The following SLC22A2 variants were observed in gnomAD, a reference collection of about 807,000 sequenced individuals.
SLC22A2 encodes the protein organic cation transporter 2.
Under a neutral mutation model 60.5 loss-of-function variants are expected in SLC22A2, and 46 were observed. The observed-to-expected ratio is 0.76, with a 90% CI of 0.60 to 0.97. The LOEUF (loss-of-function observed/expected upper bound fraction) is 0.97, where lower values mean the gene tolerates loss of function less well. Ranked by LOEUF, SLC22A2 falls within the 50% of genes least tolerant of loss-of-function variation. The pLI, the probability that SLC22A2 is intolerant of heterozygous loss-of-function variation, is 0.00. For missense variants in SLC22A2, 701 were observed against 706.6 expected (o/e 0.99, Z 0.09); for synonymous variants, 303 against 267.0 (o/e 1.13, Z -1.31).
rs316019 is a variant in SLC22A2 at position 160,249,250 on chromosome 6, A to C, written c.808T>G (p.Ser270Ala). 0.9 allele frequency: 1,438,061 copies of C among 1,605,228 alleles called. 644,774 individuals carry two copies. Among genetic ancestry groups the C allele is most frequent in the Admixed American group, 0.94 (54,580 of 58,262 alleles). The change falls in exon 4 of 11, where the codon TCT becomes GCT. Residue 270 changes from serine (S) to alanine (A), a missense_variant. Physicochemically the swap from Ser to Ala is moderately conservative, Grantham distance 99. Coordinates refer to ENST00000366953, the MANE Select transcript of SLC22A2 (RefSeq NM_003058.4). Reference protein sequence around the residue: ...PHWRWLQFTVSLPNFFFLLYY... With the variant: ...PHWRWLQFTVALPNFFFLLYY... Reference sequence around the variant, plus strand: ...AGCAAGAAGAAGAAGTTGGGCAGAGAAACTGTGAACTGCAACCACCTCCAG... The same window carrying C: ...AGCAAGAAGAAGAAGTTGGGCAGAGCAACTGTGAACTGCAACCACCTCCAG...
chr6:160,221,023 G>A (rs891380913), intron 10 of SLC22A2, among the ~76,000 whole-genome samples: 4 of 152,084 alleles, frequency 2.6e-5, no homozygotes, highest in East Asian at 1.9e-4. Context: ...CCTGTCCTTC[G>A]AGCTTTGAAA....
rs773545639 is a variant in SLC22A2 at position 160,245,538 on chromosome 6, C to G, written c.965G>C (p.Arg322Thr). 6.2e-7 allele frequency: 1 copy of G among 1,607,648 alleles called. No individual in the cohort carries two copies. Among genetic ancestry groups the G allele is most frequent in the East Asian group, 2.2e-5 (1 of 44,822 alleles). Residue 322 changes from arginine (R) to threonine (T), a missense_variant, in exon 6 of 11, where the codon AGA becomes ACA. Arg to Thr is a moderately conservative substitution (Grantham distance 71). Transcript: ENST00000366953. ...KSLPASLQRLRLEEETGKKLN... is the reference protein window; with the variant it reads ...KSLPASLQRLTLEEETGKKLN... ...TTTCTTGCCAGTTTCCTCTTCAAGT[C>G]TCAGGCGCTAAGAAAAGGAATAGAA...
intron 6 of SLC22A2, 112 bp downstream of exon 6, chr6:160,245,327 C>T (rs1783072874): frequency 7.0e-6 from 4 of 574,544 alleles, no homozygotes; most frequent in East Asian, 6.1e-5. Flanking sequence ...CACATTGCTG[C>T]CCACCGTCAG....
rs181419614 is a variant in SLC22A2, at chr6:160,258,304, C to T, written c.414+40G>A. 5.2e-6 allele frequency: 8 copies of T among 1,546,130 alleles called. No homozygotes were observed. The East Asian group carries it at 1.8e-4, about 35-fold the overall frequency. On this transcript the variant is annotated intron_variant, in intron 1 of 10. Transcript: ENST00000366953. ...CTTGCTTCCTTGAGAAAATCTCCAC[C>T]ATTTGCTTCTCCATCTGAGCCCTGA...
Position 160,236,557 on chromosome 6 carries a change from A to T in SLC22A2, c.1501+4917T>A, listed in dbSNP as rs145354427. Among the ~76,000 whole-genome samples the T allele has an allele frequency of 5.1e-3, 770 of 152,344 alleles. 6 individuals carry two copies. Among genetic ancestry groups the T allele is most frequent in the African/African-American group, 0.018 (750 of 41,590 alleles). On this transcript the variant is annotated intron_variant, in intron 9 of 10. Transcript: ENST00000366953. Reference sequence around the variant, plus strand: ...AGTTATTTGCATAAGTGCAATAAGAATCTGTTTTCTTTTGCAACAGGACAC... The same window carrying T: ...AGTTATTTGCATAAGTGCAATAAGATTCTGTTTTCTTTTGCAACAGGACAC...
intron 2 of SLC22A2, among the ~76,000 whole-genome samples, chr6:160,252,982 G>T (rs900971114): frequency 6.6e-6 from 1 of 152,202 alleles, no homozygotes; most frequent in Admixed American, 6.5e-5. Flanking sequence ...ATATAGTTGG[G>T]TAAGTATGAC....
At chr6:160,254,974 G>C (rs1420570833) in intron 2 of SLC22A2, among the ~76,000 whole-genome samples, 1 of 152,200 alleles carries the variant, frequency 6.6e-6, no homozygotes, top group Non-Finnish European at 1.5e-5. Flanking sequence ...CTGTCAGGGA[G>C]TGAGTGTTAG....
At chr6:160,226,012 A>G (rs772946912) in intron 9 of SLC22A2, among the ~76,000 whole-genome samples, 1 of 152,210 alleles carries the variant, frequency 6.6e-6, no homozygotes, top group African/African-American at 2.4e-5. Flanking sequence ...AACATTAGCC[A>G]CAACATAAGA....
rs544849256 is a variant in SLC22A2 at position 160,256,955 on chromosome 6, T to G, written c.415-238A>C. Among the ~76,000 whole-genome samples the G allele has an allele frequency of 1.3e-4, 20 of 149,034 alleles. No homozygotes were observed. In the South Asian group the frequency reaches 4.2e-3, roughly 31 times the overall value. On this transcript the variant is annotated intron_variant, in intron 1 of 10. Transcript: ENST00000366953. ...TCTTGCTCTGTCACCCAGGCTGGAGTACAGTGGTGATCATGGCTCACTGCA... is the reference window on the plus strand; with the variant it reads ...TCTTGCTCTGTCACCCAGGCTGGAGGACAGTGGTGATCATGGCTCACTGCA...
rs550130895 is a variant in SLC22A2, at chr6:160,243,570, A to G, written c.1279+2T>C. ...AAGACTCCAACTTCACCTGAAACTT[A>G]CCACCAGGTATAAAAACTGAGGCCA... On this transcript the variant is annotated splice_donor_variant, in intron 7 of 10. Transcript: ENST00000366953. LOFTEE classifies it high-confidence loss of function. The G allele has an allele frequency of 6.2e-7, 1 of 1,610,336 alleles. No homozygotes were observed. Among genetic ancestry groups the G allele is most frequent in the East Asian group, 2.2e-5 (1 of 44,848 alleles).
At chr6:160,254,091 A>G (rs1404673968) in intron 2 of SLC22A2, among the ~76,000 whole-genome samples, 1 of 152,158 alleles carries the variant, frequency 6.6e-6, no homozygotes, top group Admixed American at 6.5e-5. Context: ...CAACCTGGCC[A>G]ACATGGTGAA....
In SLC22A2 at chr6:160,256,501, G is replaced by A. The variant is rs1783273702; in HGVS notation, c.518+113C>T. ...AAAAACACCAGCATGAAGGCCAGGAGATTGTGGTCTGTGTGCTTGGGAAAG... is the reference window on the plus strand; with the variant it reads ...AAAAACACCAGCATGAAGGCCAGGAAATTGTGGTCTGTGTGCTTGGGAAAG... On this transcript the variant is annotated intron_variant, in intron 2 of 10. Transcript: ENST00000366953. 7 of 721,562 alleles carry A rather than the reference G, an allele frequency of 9.7e-6. No homozygotes were observed. The South Asian group carries it at 9.8e-5, about 10-fold the overall frequency. 44.7% of individuals were successfully genotyped at this position (721,562 alleles called of 1,614,324 possible).
In SLC22A2 at chr6:160,217,071, C is replaced by T. The variant is rs1475727141; in HGVS notation, c.*361G>A. On this transcript the variant is annotated 3_prime_UTR_variant, in exon 11 of 11. Coordinates refer to ENST00000366953, the MANE Select transcript of SLC22A2 (RefSeq NM_003058.4). The stretch of plus-strand genomic sequence containing the variant: ...TCTCCCAACTTTACTGTTTTTCACA[C>T]TTTTTTCTATTTTGTTTGCCTAGCC... The T allele has an allele frequency of 5.8e-6, 1 of 173,522 alleles. No homozygotes were observed. The highest frequency in any genetic ancestry group is 1.2e-5 in the Non-Finnish European group (1 of 82,654). The allele number at this position is 173,522 out of a possible 1,614,324, so 10.7% of individuals were successfully genotyped here.
chr6:160,235,870 T>C (rs1782902274), intron 9 of SLC22A2, among the ~76,000 whole-genome samples: 1 of 152,164 alleles, frequency 6.6e-6, no homozygotes. Flanking sequence ...CAGGAAGCAT[T>C]GTTGAACATA....
At chr6:160,256,571 C>A (rs1001656794) in intron 2 of SLC22A2, 43 bp downstream of exon 2, 8 of 1,407,572 alleles carry the variant, frequency 5.7e-6, no homozygotes, top group South Asian at 2.3e-5. Context: ...GTTCTCCAAA[C>A]CTTTGGGATT....
chr6:160,234,712 A>G (rs1450623663), intron 9 of SLC22A2, among the ~76,000 whole-genome samples: 2 of 152,224 alleles, frequency 1.3e-5, no homozygotes, highest in African/African-American at 4.8e-5. Context: ...TTATCCCTAA[A>G]AATTATCTTG....
chr6:160,231,705 A>G (rs1782827464), intron 9 of SLC22A2, among the ~76,000 whole-genome samples: 1 of 151,700 alleles, frequency 6.6e-6, no homozygotes, highest in Non-Finnish European at 1.5e-5. Flanking sequence ...TCCTATCCTT[A>G]ATACCTCCCT....
intron 10 of SLC22A2, among the ~76,000 whole-genome samples, chr6:160,223,757 T>C (rs1262232583): frequency 6.6e-6 from 1 of 152,202 alleles, no homozygotes; most frequent in East Asian, 1.9e-4. Context: ...GACAAGAGTA[T>C]TGCTTTGTCG....
At chr6:160,235,084 C>G (rs1393146606) in intron 9 of SLC22A2, among the ~76,000 whole-genome samples, 2 of 152,180 alleles carry the variant, frequency 1.3e-5, no homozygotes, top group Non-Finnish European at 2.9e-5. Context: ...TTGGGAAAAA[C>G]AGAGGAGACA....
Sources: gnomAD v4.1 joint callset for allele counts (sites outside exome capture counted in the v4.1 genomes callset) on GRCh38, gnomAD v4.1.1 for gene constraint, MANE v1.5 for transcripts, NCBI Gene and HGNC (gene_info 2026-07-23, HGNC 2026-07-21) for gene names.